SETD5: variants seen among roughly 807,000 people sequenced by gnomAD.
The protein encoded by SETD5 is histone-lysine N-methyltransferase SETD5.
SETD5 carries 44 observed loss-of-function variants against 153.3 expected under a neutral mutation model. That is an observed-to-expected ratio of 0.29 (90% CI 0.23 to 0.37). SETD5 has a LOEUF of 0.37. Ranked by LOEUF, SETD5 falls within the 10% of genes least tolerant of loss-of-function variation. The probability of loss-of-function intolerance (pLI) is 1.00; values close to 1 mark genes in which losing one functional copy is unlikely to be tolerated. For synonymous variants in SETD5, 716 were observed against 645.2 expected (o/e 1.11, Z -1.66); for missense variants, 1,544 against 1,768.0 (o/e 0.87, Z 2.27).
chr3:9,475,695 G>C lies in SETD5; in HGVS notation c.3933G>C (p.Leu1311Phe). The C allele has an allele frequency of 6.2e-7, 1 of 1,613,916 alleles. No individual in the cohort carries two copies. Among genetic ancestry groups the C allele is most frequent in the Non-Finnish European group, 8.5e-7 (1 of 1,179,878 alleles). The change falls in exon 23 of 23, where the codon TTG becomes TTC. Residue 1311 changes from leucine (L) to phenylalanine (F), a missense_variant. By Grantham distance (22) the Leu-to-Phe change is conservative (BLOSUM62 0). Around this residue, in one of 9 missense-constraint regions of SETD5, gnomAD observed 302 missense variants for 277.6 expected, o/e 1.09. Transcript: ENST00000402198. ...SPAHPVSTDS[L>F]APFTGTPGYF... ...CCCACCCTGTGTCCACAGACTCGTT[G>C]GCCCCATTTACGGGGACACCAGGGT...
intron 15 of SETD5, 37 bp downstream of exon 15, chr3:9,448,043 G>A (rs779945523): frequency 4.4e-6 from 7 of 1,577,622 alleles, no homozygotes; most frequent in Non-Finnish European, 6.0e-6. Flanking sequence ...GTCCAGTCTG[G>A]CAAGGGCTGT....
In SETD5 at chr3:9,449,973, A is replaced by T. The variant is rs144532584; in HGVS notation, c.2346+1343A>T. 5.3e-4 allele frequency among the ~76,000 whole-genome samples: 80 copies of T among 152,320 alleles called. No homozygotes were observed. The East Asian group carries it at 0.015, about 29-fold the overall frequency. On this transcript the variant is annotated intron_variant, in intron 16 of 22. Coordinates refer to ENST00000402198, the MANE Select transcript of SETD5 (RefSeq NM_001080517.3). ...GAGTGTAGGCAATTATTTATTACAG[A>T]TAAGTAATGAAGTCTGAGCTGCAAA... is the stretch of plus-strand genomic sequence containing the variant.
intron 19 of SETD5, among the ~76,000 whole-genome samples, chr3:9,471,459 G>A (rs984931652): frequency 1.3e-5 from 2 of 152,180 alleles, no homozygotes; most frequent in Non-Finnish European, 2.9e-5. Flanking sequence ...AACAATTGAG[G>A]GTGAGGTATG....
intron 3 of SETD5, chr3:9,433,591 C>A: frequency 7.9e-7 from 1 of 1,270,068 alleles, no homozygotes; most frequent in Non-Finnish European, 1.0e-6. Context: ...TTAGGGACAC[C>A]TTGTATCTCA....
At chr3:9,465,697 C>G (rs2044472782) in intron 18 of SETD5, among the ~76,000 whole-genome samples, 1 of 152,204 alleles carries the variant, frequency 6.6e-6, no homozygotes, top group Non-Finnish European at 1.5e-5. Flanking sequence ...CCCTAGACCT[C>G]TACTTTTGGA....
At chr3:9,467,457 G>T (rs908793120) in intron 18 of SETD5, among the ~76,000 whole-genome samples, 2 of 151,678 alleles carry the variant, frequency 1.3e-5, no homozygotes, top group African/African-American at 4.8e-5. Context: ...TCCTATTCTT[G>T]CCCTGAGAGC....
At position 9,397,627 on chromosome 3, in the gene SETD5, G is replaced by C. The variant is rs544764187; in HGVS notation, c.-527G>C. On this transcript the variant is annotated 5_prime_UTR_variant, in exon 1 of 23. Transcript: ENST00000402198. ...TCCCCGTGCGGTCAGTGGCGTTTCCGCTCGGGCAGCGGGCTGAGTGAGCTG... is the reference window on the plus strand; with the variant it reads ...TCCCCGTGCGGTCAGTGGCGTTTCCCCTCGGGCAGCGGGCTGAGTGAGCTG... The C allele has an allele frequency of 5.7e-6, 1 of 174,340 alleles. No individual in the cohort carries two copies. The highest frequency in any genetic ancestry group is 6.5e-5 in the Admixed American group (1 of 15,440). The allele number at this position is 174,340 out of a possible 1,614,324, so 10.8% of individuals were successfully genotyped here.
At chr3:9,414,134 G>A (rs1053969654) in intron 1 of SETD5, among the ~76,000 whole-genome samples, 3 of 152,132 alleles carry the variant, frequency 2.0e-5, no homozygotes, top group Non-Finnish European at 2.9e-5. Context: ...ATGAGTATAT[G>A]TGCTCAAATA....
Position 9,415,874 on chromosome 3 carries a change from G to A in SETD5, c.-176-8593G>A, listed in dbSNP as rs2037341879. 2.0e-5 allele frequency among the ~76,000 whole-genome samples: 3 copies of A among 148,936 alleles called. No homozygotes were observed. The South Asian group carries it at 6.4e-4, about 32-fold the overall frequency. On this transcript the variant is annotated intron_variant, in intron 1 of 22. Transcript: ENST00000402198. ...CACCCTGCCCAGCCCCATTGCTGTT[G>A]AACTTTTTTTTTTTTTTAAAGACAG...
intron 18 of SETD5, among the ~76,000 whole-genome samples, chr3:9,466,956 G>T (rs1028187502): frequency 6.6e-6 from 1 of 152,040 alleles, no homozygotes; most frequent in African/African-American, 2.4e-5. Flanking sequence ...TTAAGACCAG[G>T]AGTTTAAGAC....
chr3:9,441,776 G>A (rs1043359906), intron 9 of SETD5, 35 bp downstream of exon 9: 1 of 1,613,240 alleles, frequency 6.2e-7, no homozygotes, highest in South Asian at 1.1e-5. Context: ...TGAGGGCTAA[G>A]GTGGACCTGG....
At chr3:9,462,333 A>T (rs372696968) in intron 17 of SETD5, among the ~76,000 whole-genome samples, 1 of 152,184 alleles carries the variant, frequency 6.6e-6, no homozygotes, top group Non-Finnish European at 1.5e-5. Flanking sequence ...CACGCCTGTA[A>T]TCCCAGCACT....
In SETD5 at chr3:9,472,544, A is replaced by G. The variant is rs374964065; in HGVS notation, c.3196-692A>G. ...AGCTTGCTAAAATTATAAACTGGAA[A>G]TAATAATTTCCTCTCTTTTTACATT... On this transcript the variant is annotated intron_variant, in intron 19 of 22. Coordinates refer to ENST00000402198, the MANE Select transcript of SETD5 (RefSeq NM_001080517.3). 1.3e-3 allele frequency among the ~76,000 whole-genome samples: 199 copies of G among 152,368 alleles called. 6 individuals carry two copies. The East Asian group carries it at 0.023, about 18-fold the overall frequency.
chr3:9,409,693 T>A (rs11915826), intron 1 of SETD5, among the ~76,000 whole-genome samples: 7,846 of 152,290 alleles, frequency 0.052, 307 homozygotes, highest in Admixed American at 0.11. Flanking sequence ...GGAGTGTTCA[T>A]TGCTCTTGGT....
chr3:9,407,639 A>G (rs1332526442), intron 1 of SETD5, among the ~76,000 whole-genome samples: 1 of 152,182 alleles, frequency 6.6e-6, no homozygotes, highest in Non-Finnish European at 1.5e-5. Flanking sequence ...TACTAGGAAT[A>G]TGTTTCTGTG....
intron 19 of SETD5, among the ~76,000 whole-genome samples, chr3:9,472,558 T>C (rs2045419248): frequency 6.6e-6 from 1 of 152,262 alleles, no homozygotes; most frequent in South Asian, 2.1e-4. Flanking sequence ...TAATTTCCTC[T>C]CTTTTTACAT....
At chr3:9,454,307 G>C (rs2042955519) in intron 17 of SETD5, among the ~76,000 whole-genome samples, 1 of 152,090 alleles carries the variant, frequency 6.6e-6, no homozygotes, top group Non-Finnish European at 1.5e-5. Context: ...AAAGGGGCTT[G>C]TATAATTAGC....
intron 7 of SETD5, among the ~76,000 whole-genome samples, chr3:9,438,553 T>C (rs937061417): frequency 6.6e-6 from 1 of 152,206 alleles, no homozygotes; most frequent in African/African-American, 2.4e-5. Flanking sequence ...TCATTTTGAT[T>C]CTTTTAATTC....
chr3:9,410,423 G>A (rs1373998277), intron 1 of SETD5, among the ~76,000 whole-genome samples: 13 of 152,150 alleles, frequency 8.5e-5, no homozygotes, highest in Admixed American at 8.5e-4. Flanking sequence ...CCTTAGAATA[G>A]TTCTCTATGG....
Sources: allele counts gnomAD v4.1 joint callset (sites outside exome capture counted in the v4.1 genomes callset), GRCh38; gene constraint gnomAD v4.1.1; regional missense constraint gnomAD v4.1.1; transcripts MANE v1.5; gene names NCBI Gene and HGNC (gene_info 2026-07-23, HGNC 2026-07-21).